The following LDAH variants were observed in gnomAD, a reference collection of about 807,000 sequenced individuals.
LDAH encodes lipid droplet associated hydrolase.
LDAH carries 26 observed loss-of-function variants against 29.6 expected under a neutral mutation model. The observed-to-expected ratio is 0.88, with a 90% CI of 0.64 to 1.22. The LOEUF (loss-of-function observed/expected upper bound fraction) is 1.22, where lower values mean the gene tolerates loss of function less well. Among genes scored for constraint, LDAH ranks in the 50% most tolerant of loss-of-function variants. The probability of loss-of-function intolerance (pLI) is 0.00; values close to 1 mark genes in which losing one functional copy is unlikely to be tolerated. For missense variants in LDAH, 344 were observed against 387.3 expected, an observed-to-expected ratio of 0.89 and a Z score of 0.94; for synonymous variants, 117 against 133.0, an observed-to-expected ratio of 0.88 and a Z score of 0.83.
At chr2:20,805,413 C>T (rs985578309) in intron 1 of LDAH, among the ~76,000 whole-genome samples, 6 of 152,128 alleles carry the variant, frequency 3.9e-5, no homozygotes, top group African/African-American at 1.4e-4. Flanking sequence ...CACGTAAAAG[C>T]AGCAATGGAA....
At chr2:20,703,888 A>C (rs1339331645) in intron 5 of LDAH, among the ~76,000 whole-genome samples, 2 of 152,204 alleles carry the variant, frequency 1.3e-5, no homozygotes, top group Admixed American at 1.3e-4. Context: ...GGCGCTGGAG[A>C]TGGAGCAACA....
chr2:20,696,724 T>G, intron 6 of LDAH, among the ~76,000 whole-genome samples: 1 of 151,914 alleles, frequency 6.6e-6, no homozygotes, highest in South Asian at 2.1e-4. Flanking sequence ...AACAAGGGAG[T>G]GCTGACCTCT....
intron 4 of LDAH, among the ~76,000 whole-genome samples, chr2:20,760,686 C>G (rs907516445): frequency 6.6e-6 from 1 of 152,184 alleles, no homozygotes; most frequent in Non-Finnish European, 1.5e-5. Context: ...ATATAGGCCG[C>G]CCAACATAGA....
At chr2:20,739,618 G>A (rs1474402251) in intron 5 of LDAH, among the ~76,000 whole-genome samples, 1 of 152,138 alleles carries the variant, frequency 6.6e-6, no homozygotes, top group Non-Finnish European at 1.5e-5. Context: ...TTGTGTCCTT[G>A]TGCTGTTTTT....
intron 4 of LDAH, among the ~76,000 whole-genome samples, chr2:20,766,400 G>C (rs1382402930): frequency 6.6e-6 from 1 of 152,152 alleles, no homozygotes; most frequent in Non-Finnish European, 1.5e-5. Flanking sequence ...TAAAATGTAG[G>C]TGTGGTTCAC....
At chr2:20,717,521 A>G (rs1665307807) in intron 5 of LDAH, among the ~76,000 whole-genome samples, 1 of 152,130 alleles carries the variant, frequency 6.6e-6, no homozygotes, top group East Asian at 1.9e-4. Context: ...AAAATCTGAA[A>G]CTCTTCCAAT....
At chr2:20,819,922 G>A (rs1226802750) in intron 1 of LDAH, among the ~76,000 whole-genome samples, 2 of 152,154 alleles carry the variant, frequency 1.3e-5, no homozygotes, top group Non-Finnish European at 2.9e-5. Context: ...AAAGTCTCAA[G>A]ATACAAAATC....
chr2:20,779,274 C>G (rs188327157), intron 3 of LDAH, among the ~76,000 whole-genome samples: 17 of 152,088 alleles, frequency 1.1e-4, no homozygotes, highest in African/African-American at 3.6e-4. Flanking sequence ...GAAGCATGTT[C>G]TCACCCATAA....
At chr2:20,683,901 AAGT>A (rs1662385452), downstream of LDAH, 1 of 143,856 alleles carries the variant, frequency 7.0e-6, no homozygotes, top group African/African-American at 2.6e-5. Flanking sequence ...AGGTGAAGTG[AAGT>A]CTTATGTCAC....
At chr2:20,813,756 T>TA (rs1350207690) in intron 1 of LDAH, among the ~76,000 whole-genome samples, 4 of 152,242 alleles carry the variant, frequency 2.6e-5, no homozygotes, top group Non-Finnish European at 5.9e-5. Context: ...TTGTAAGTCT[T>TA]ACAGTCTTTG....
intron 6 of LDAH, among the ~76,000 whole-genome samples, chr2:20,689,529 G>A (rs189638225): frequency 5.3e-5 from 8 of 152,266 alleles, no homozygotes; most frequent in Admixed American, 6.5e-5. Flanking sequence ...AGAAAAACAC[G>A]TTTCCCCGGA....
At chr2:20,757,914 C>G (rs1668441786) in intron 4 of LDAH, among the ~76,000 whole-genome samples, 1 of 152,166 alleles carries the variant, frequency 6.6e-6, no homozygotes, top group Non-Finnish European at 1.5e-5. Flanking sequence ...TGGACTGAAA[C>G]TACAATTACA....
chr2:20,773,314 TAA>T (rs56043529), intron 4 of LDAH, among the ~76,000 whole-genome samples: 4 of 140,290 alleles, frequency 2.9e-5, no homozygotes, highest in Non-Finnish European at 3.1e-5. Context: ...TCAGACAGAC[TAA>T]AAAAAAAAAA....
At chr2:20,746,827 T>A (rs576413945) in intron 4 of LDAH, among the ~76,000 whole-genome samples, 42 of 152,264 alleles carry the variant, frequency 2.8e-4, no homozygotes, top group African/African-American at 1.0e-3. Flanking sequence ...AGCCAATTCA[T>A]TCTATCCTAA....
chr2:20,793,423 G>T (rs1278468657), intron 2 of LDAH, among the ~76,000 whole-genome samples: 1 of 152,102 alleles, frequency 6.6e-6, no homozygotes, highest in Non-Finnish European at 1.5e-5. Context: ...CTCTTGAAGA[G>T]CTAATTCAAA....
intron 6 of LDAH, among the ~76,000 whole-genome samples, chr2:20,697,572 G>A (rs1006803232): frequency 3.9e-5 from 6 of 152,156 alleles, no homozygotes; most frequent in African/African-American, 1.4e-4. Context: ...TGTTTTGACT[G>A]TCACCCTGTT....
At chr2:20,705,874 T>A (rs751303257) in intron 5 of LDAH, among the ~76,000 whole-genome samples, 4 of 152,224 alleles carry the variant, frequency 2.6e-5, no homozygotes, top group Non-Finnish European at 5.9e-5. Context: ...ATACCGCATA[T>A]GAAATTTAAA....
intron 5 of LDAH, among the ~76,000 whole-genome samples, chr2:20,736,103 A>G (rs1246252930): frequency 6.6e-6 from 1 of 152,162 alleles, no homozygotes; most frequent in East Asian, 1.9e-4. Context: ...AAATGGCTGG[A>G]GTAGAGTAGA....
chr2:20,813,392 A>G (rs1372288267), intron 1 of LDAH, among the ~76,000 whole-genome samples: 1 of 152,206 alleles, frequency 6.6e-6, no homozygotes, highest in African/African-American at 2.4e-5. Context: ...ACTTAATAAC[A>G]TATGGATATC....
Sources: allele counts gnomAD v4.1 joint callset (sites outside exome capture counted in the v4.1 genomes callset), GRCh38; gene constraint gnomAD v4.1.1; transcripts MANE v1.5; gene names NCBI Gene and HGNC (gene_info 2026-07-23, HGNC 2026-07-21).